Variants in IMPDH2 observed in about 807,000 individuals in gnomAD.
IMPDH2 encodes the protein inosine-5'-monophosphate dehydrogenase 2.
IMPDH2 carries 33 observed loss-of-function variants against 57.8 expected under a neutral mutation model. The ratio of observed to expected loss-of-function variants is 0.57; its 90% CI spans 0.43 to 0.76. IMPDH2 has a LOEUF of 0.76. Ranked by LOEUF, IMPDH2 falls within the 30% of genes least tolerant of loss-of-function variation. The pLI is 0.00. For synonymous variants in IMPDH2, 270 were observed against 241.3 expected (o/e 1.12, Z -1.10); for missense variants, 446 against 659.1 (o/e 0.68, Z 3.54).
In IMPDH2 at chr3:49,024,746, C is replaced by T. The variant is rs2093189966; in HGVS notation, c.1352G>A (p.Gly451Glu). The T allele has an allele frequency of 6.2e-7, 1 of 1,613,992 alleles. No individual in the cohort carries two copies. Among genetic ancestry groups the T allele is most frequent in the Non-Finnish European group, 8.5e-7 (1 of 1,180,036 alleles). ...QGVSGAVQDKGSIHKFVPYLI... is the reference protein window; with the variant it reads ...QGVSGAVQDKESIHKFVPYLI... ...GTAAGGGACAAATTTGTGGATTGAC[C>T]CTTTGTCCTGCACAGCACCAGACAC... The change falls in exon 12 of 14, where the codon GGG becomes GAG. Residue 451 changes from glycine (G) to glutamate (E), a missense_variant. Coordinates refer to ENST00000326739, the MANE Select transcript of IMPDH2 (RefSeq NM_000884.3).
intron 4 of IMPDH2, 43 bp from the exon 5 acceptor site, chr3:49,027,959 C>T: frequency 7.0e-7 from 1 of 1,432,522 alleles, no homozygotes. Context: ...CTTTGAACTA[C>T]TTTCATCAGG....
rs2093215858 is a variant in IMPDH2, at chr3:49,029,356, A to G, written c.-6T>C. ...CTAATCAGGTAGTCGGCCATGGCCA[A>G]CACAGGACACCGCCGCGTGTCTCCG... On this transcript the variant is annotated 5_prime_UTR_variant, in exon 1 of 14. Coordinates refer to ENST00000326739, the MANE Select transcript of IMPDH2 (RefSeq NM_000884.3). 3 of 1,577,030 alleles carry G rather than the reference A, an allele frequency of 1.9e-6. No individual in the cohort carries two copies. In the African/African-American group the frequency reaches 4.0e-5, roughly 21 times the overall value.
chr3:49,026,964 C>T lies in IMPDH2; in HGVS notation c.615G>A (p.Lys205=), dbSNP rs770527889. 9.3e-6 allele frequency: 15 copies of T among 1,613,940 alleles called. No homozygotes were observed. The highest frequency in any genetic ancestry group is 8.0e-5 in the African/African-American group (6 of 74,926). Residue 205 remains lysine (K), a synonymous_variant, in exon 6 of 14, where the codon AAG becomes AAA. Transcript: ENST00000326739. ...TTTCCCAGCTCTAGGACTTACCCTT[C>T]TTGCTGCGCTGCAGAATTTCATTTG... ...KEANEILQRS[K]KGKLPIVNED...
intron 3 of IMPDH2, 53 bp from the exon 4 acceptor site, chr3:49,028,375 C>T (rs2093208866): frequency 1.2e-6 from 2 of 1,608,106 alleles, no homozygotes; most frequent in Non-Finnish European, 1.7e-6. Context: ...GACTGAATGC[C>T]TTTGGGGAAA....
intron 9 of IMPDH2, chr3:49,025,530 C>A: frequency 2.0e-6 from 1 of 493,968 alleles, no homozygotes; most frequent in South Asian, 2.1e-5. Flanking sequence ...GCAGTCTTAG[C>A]AGCCGGGAAA....
chr3:49,029,396 G>A lies in IMPDH2; in HGVS notation c.-46C>T, dbSNP rs781594176. On this transcript the variant is annotated 5_prime_UTR_variant, in exon 1 of 14. Coordinates refer to ENST00000326739, the MANE Select transcript of IMPDH2 (RefSeq NM_000884.3). ...GCGTGTCTCCGAGGACCGCGCCGCA[G>A]AGACCTCTGCCGTCTGGGCCGCGCC... 94 of 1,322,628 alleles carry A rather than the reference G, an allele frequency of 7.1e-5. No homozygotes were observed. The highest frequency in any genetic ancestry group is 8.4e-5 in the Non-Finnish European group (79 of 938,998). The allele number at this position is 1,322,628 out of a possible 1,614,324, so 81.9% of individuals were successfully genotyped here.
chr3:49,024,599 A>G (rs1197795004), intron 12 of IMPDH2, 21 bp from the exon 13 acceptor site: 6 of 1,614,184 alleles, frequency 3.7e-6, no homozygotes, highest in South Asian at 3.3e-5. Context: ...GCAGAGGTCA[A>G]ATGTGGGTAG....
chr3:49,026,308 C>A lies in IMPDH2; in HGVS notation c.1006+16G>T. 1.3e-6 allele frequency: 2 copies of A among 1,570,672 alleles called. No homozygotes were observed. Among genetic ancestry groups the A allele is most frequent in the Non-Finnish European group, 1.7e-6 (2 of 1,147,918 alleles). Reference sequence around the variant, plus strand: ...AAACTGGGGTCTCTGTGGGCCCTATCAAAGTATATTCTTACCTTCCTGCGT... The same window carrying A: ...AAACTGGGGTCTCTGTGGGCCCTATAAAAGTATATTCTTACCTTCCTGCGT... On this transcript the variant is annotated intron_variant, in intron 9 of 13. Transcript: ENST00000326739.
chr3:49,026,978 G>C lies in IMPDH2; in HGVS notation c.601C>G (p.Leu201Val), dbSNP rs1194381242. 1.2e-6 allele frequency: 2 copies of C among 1,613,964 alleles called. No homozygotes were observed. The highest frequency in any genetic ancestry group is 1.7e-6 in the Non-Finnish European group (2 of 1,179,930). The change falls in exon 6 of 14, where the codon CTG (leucine) becomes GTG (valine). Residue 201 changes from leucine to valine, a missense_variant. By Grantham distance (32) the Leu-to-Val change is conservative. Coordinates refer to ENST00000326739, the MANE Select transcript of IMPDH2 (RefSeq NM_000884.3). ...GITLKEANEI[L>V]QRSKKGKLPI... The stretch of plus-strand genomic sequence containing the variant: ...GACTTACCCTTCTTGCTGCGCTGCA[G>C]AATTTCATTTGCCTCCTTCAGTGTG...
chr3:49,024,787 G>T lies in IMPDH2; in HGVS notation c.1311C>A (p.Ile437=). 6.2e-7 allele frequency: 1 copy of T among 1,614,196 alleles called. No homozygotes were observed. Among genetic ancestry groups the T allele is most frequent in the South Asian group, 1.1e-5 (1 of 91,064 alleles). The change falls in exon 12 of 14, where the codon ATC becomes ATA. Residue 437 remains isoleucine, a synonymous_variant. Transcript: ENST00000326739. ...CACCAGACACTCCCTGGGCCACTTT[G>T]ATTTTGTCAGCTTCACTGCAGGGAG... ...QNRYFSEADK[I]KVAQGVSGAV...
chr3:49,024,772 T>C lies in IMPDH2; in HGVS notation c.1326A>G (p.Gly442=), dbSNP rs2093190248. The change falls in exon 12 of 14, where the codon GGA becomes GGG. Residue 442 remains glycine (G), a synonymous_variant. Transcript: ENST00000326739. ...SEADKIKVAQ[G]VSGAVQDKGS... Reference sequence around the variant, plus strand: ...CTTTGTCCTGCACAGCACCAGACACTCCCTGGGCCACTTTGATTTTGTCAG... The same window carrying C: ...CTTTGTCCTGCACAGCACCAGACACCCCCTGGGCCACTTTGATTTTGTCAG... 4 of 1,614,102 alleles carry C rather than the reference T, an allele frequency of 2.5e-6. No homozygotes were observed. The highest frequency in any genetic ancestry group is 2.2e-5 in the East Asian group (1 of 44,880).
In IMPDH2 at chr3:49,029,294, T is replaced by C; in HGVS notation, c.57A>G (p.Thr19=). ...GTSYVPDDGL[T]AQQLFNCGDG... ...CTCCGCAGTTGAAGAGCTGCTGTGC[T>C]GTGAGTCCGTCGTCTGGCACGTAGG... Residue 19 remains threonine (T), a synonymous_variant, in exon 1 of 14, where the codon ACA becomes ACG. Transcript: ENST00000326739. The C allele has an allele frequency of 3.7e-6, 6 of 1,608,430 alleles. No homozygotes were observed. Among genetic ancestry groups the C allele is most frequent in the South Asian group, 1.1e-5 (1 of 89,986 alleles).
intron 9 of IMPDH2, 38 bp downstream of exon 9, chr3:49,026,286 C>CTGGGGTCTCTG: frequency 7.0e-7 from 1 of 1,418,734 alleles, no homozygotes; most frequent in Non-Finnish European, 9.8e-7. Context: ...GGGCCTGAAA[C>CTGGGGTCTCTG]TGGGGTCTCT....
At position 49,024,961 on chromosome 3, in the gene IMPDH2, T is replaced by C. The variant is rs561152714; in HGVS notation, c.1230A>G (p.Lys410=). Residue 410 remains lysine, a synonymous_variant, in exon 11 of 14, where the codon AAA becomes AAG. Coordinates refer to ENST00000326739, the MANE Select transcript of IMPDH2 (RefSeq NM_000884.3). ...YFFSDGIRLK[K]YRGMGSLDAM... ...CATCGAGAGAACCCATACCGCGATATTTCTTTAGCCGGATCCCATCGGAAA... is the reference window on the plus strand; with the variant it reads ...CATCGAGAGAACCCATACCGCGATACTTCTTTAGCCGGATCCCATCGGAAA... 2 of 1,614,090 alleles carry C rather than the reference T, an allele frequency of 1.2e-6. No individual in the cohort carries two copies. The highest frequency in any genetic ancestry group is 1.1e-5 in the South Asian group (1 of 91,090).
At position 49,024,914 on chromosome 3, in the gene IMPDH2, C is replaced by T. The variant is rs1006463705; in HGVS notation, c.1277G>A (p.Ser426Asn). Residue 426 changes from serine to asparagine, a missense_variant, in exon 11 of 14, where the codon AGC becomes AAC. Ser to Asn is a conservative substitution (Grantham distance 46). Transcript: ENST00000326739. ...GTCCCACCTGAAATATCTGTTCTGG[C>T]TGCTGAGGTGCTTGTCCATGGCATC... ...SLDAMDKHLSSQNRYFSEADK... is the reference protein window; with the variant it reads ...SLDAMDKHLSNQNRYFSEADK... 1 of 1,614,140 alleles carries T rather than the reference C, an allele frequency of 6.2e-7. No homozygotes were observed. The highest frequency in any genetic ancestry group is 1.3e-5 in the African/African-American group (1 of 74,946).
chr3:49,026,951 A>G lies in IMPDH2; in HGVS notation c.619+9T>C, dbSNP rs769438849. The G allele has an allele frequency of 6.2e-7, 1 of 1,613,918 alleles. No homozygotes were observed. The highest frequency in any genetic ancestry group is 8.5e-7 in the Non-Finnish European group (1 of 1,179,756). On this transcript the variant is annotated intron_variant, in intron 6 of 13. Transcript: ENST00000326739. ...TAGTTCCAGGCCCTTTCCCAGCTCT[A>G]GGACTTACCCTTCTTGCTGCGCTGC...
At chr3:49,026,239 A>C in intron 9 of IMPDH2, 85 bp downstream of exon 9, 2 of 1,036,700 alleles carry the variant, frequency 1.9e-6, no homozygotes, top group Non-Finnish European at 2.9e-6. Context: ...GGAGGGCTCT[A>C]TTGTCCCCAT....
At chr3:49,028,043 C>A in intron 4 of IMPDH2, 127 bp from the exon 5 acceptor site, 1 of 827,498 alleles carries the variant, frequency 1.2e-6, no homozygotes, top group South Asian at 1.5e-5. Context: ...CACACCAACA[C>A]ATCTTAGAGA....
In IMPDH2 at chr3:49,027,036, CTT is replaced by C. The variant is rs747572592; in HGVS notation, c.541_542del (p.Lys181GlufsTer18). 7 of 1,613,192 alleles carry C rather than the reference CTT, an allele frequency of 4.3e-6. No individual in the cohort carries two copies. The highest frequency in any genetic ancestry group is 5.9e-6 in the Non-Finnish European group (7 of 1,179,226). The stretch of plus-strand genomic sequence containing the variant: ...CAGGGGCTACCACCAAGTCTTCCCT[CTT>C]TGTCATTATCTACGTGGGAGGTGAG... ...HDCFLEEIMT[K>X]REDLVVAPAG... On this transcript the variant is annotated frameshift_variant, in exon 6 of 14. Coordinates refer to ENST00000326739, the MANE Select transcript of IMPDH2 (RefSeq NM_000884.3). LOFTEE classifies it high-confidence loss of function.
Sources: allele counts gnomAD v4.1 joint callset, GRCh38; gene constraint gnomAD v4.1.1; transcripts MANE v1.5; gene names NCBI Gene and HGNC (gene_info 2026-07-23, HGNC 2026-07-21).